The following RUNX2 variants were observed in gnomAD, a reference collection of about 807,000 sequenced individuals.
RUNX2 encodes the protein runt-related transcription factor 2.
Under a neutral mutation model 51.7 loss-of-function variants are expected in RUNX2, and 10 were observed. That is an observed-to-expected ratio of 0.19 (90% CI 0.12 to 0.33). RUNX2 has a LOEUF of 0.33. Among genes scored for constraint, RUNX2 ranks in the 10% least tolerant of loss-of-function variants. The pLI is 1.00. For missense variants in RUNX2, 562 were observed against 691.3 expected (o/e 0.81, Z 2.10); for synonymous variants, 276 against 273.6 (o/e 1.01, Z -0.09).
intron 2 of RUNX2, among the ~76,000 whole-genome samples, chr6:45,358,134 T>C (rs1793572924): frequency 2.0e-5 from 3 of 152,100 alleles, no homozygotes; most frequent in South Asian, 2.1e-4. Flanking sequence ...AAATCAAATA[T>C]AAAAACAGGT....
chr6:45,332,955 A>G (rs535847971), intron 2 of RUNX2, among the ~76,000 whole-genome samples: 55 of 151,812 alleles, frequency 3.6e-4, no homozygotes, highest in South Asian at 2.5e-3. Context: ...CTGAAGATAG[A>G]TAAAATTCTG....
At chr6:45,541,812 C>T (rs1802238921) in intron 7 of RUNX2, among the ~76,000 whole-genome samples, 1 of 152,182 alleles carries the variant, frequency 6.6e-6, no homozygotes, top group Non-Finnish European at 1.5e-5. Flanking sequence ...AGCTGACAGC[C>T]CCAATGGCAA....
At chr6:45,448,769 T>A (rs1441711427) in intron 5 of RUNX2, among the ~76,000 whole-genome samples, 5 of 152,148 alleles carry the variant, frequency 3.3e-5, no homozygotes, top group Non-Finnish European at 7.3e-5. Context: ...TGTATTTTGG[T>A]TGCGGGGGAT....
chr6:45,409,220 CCCTT>C (rs1186659618), intron 2 of RUNX2, among the ~76,000 whole-genome samples: 2 of 152,208 alleles, frequency 1.3e-5, no homozygotes, highest in Non-Finnish European at 2.9e-5. Context: ...CTTTTGAACT[CCCTT>C]CCAGGAACAG....
At chr6:45,415,350 G>A (rs536986114) in intron 2 of RUNX2, among the ~76,000 whole-genome samples, 1 of 152,260 alleles carries the variant, frequency 6.6e-6, no homozygotes, top group Non-Finnish European at 1.5e-5. Context: ...CAAAGTAAGA[G>A]TCCTCCCCTC....
chr6:45,413,538 C>G (rs1156857988), intron 2 of RUNX2, among the ~76,000 whole-genome samples: 1 of 137,686 alleles, frequency 7.3e-6, no homozygotes, highest in African/African-American at 2.8e-5. Flanking sequence ...TCAAGTGATT[C>G]TCCTGCCTCA....
chr6:45,547,606 T>G lies in RUNX2; in HGVS notation c.*301T>G, dbSNP rs2150454724. ...AGGTATTTTTGTTTTTGTTGTTTGG[T>G]CTGTTATCATCAATAACCTGTTCAT... On this transcript the variant is annotated 3_prime_UTR_variant, in exon 9 of 9. Transcript: ENST00000647337. 1 of 415,798 alleles carries G rather than the reference T, an allele frequency of 2.4e-6. No individual in the cohort carries two copies. Among genetic ancestry groups the G allele is most frequent in the Admixed American group, 3.7e-5 (1 of 27,064 alleles). The allele number at this position is 415,798 out of a possible 1,614,324, so 25.8% of individuals were successfully genotyped here.
chr6:45,477,411 A>C (rs748971926), intron 5 of RUNX2, among the ~76,000 whole-genome samples: 1 of 152,188 alleles, frequency 6.6e-6, no homozygotes. Context: ...CTGCACCTGA[A>C]TATGTCCCAT....
chr6:45,545,843 G>A (rs1484371849), intron 8 of RUNX2, among the ~76,000 whole-genome samples: 2 of 152,114 alleles, frequency 1.3e-5, no homozygotes, highest in African/African-American at 2.4e-5. Context: ...GGTTTATAAC[G>A]GTGGTTTCAT....
rs374096099 is a variant in RUNX2 at position 45,535,552 on chromosome 6, C to T, written c.1022-9665C>T. Among the ~76,000 whole-genome samples the T allele has an allele frequency of 1.4e-4, 21 of 151,132 alleles. No individual in the cohort carries two copies. In the East Asian group the frequency reaches 1.6e-3, roughly 11 times the overall value. On this transcript the variant is annotated intron_variant, in intron 7 of 8. Transcript: ENST00000647337. ...CCGGGAGGCAGAGCTTGCAGTGAGCCGAGATTGCGCCACTGCACTCTAGCC... is the reference window on the plus strand; with the variant it reads ...CCGGGAGGCAGAGCTTGCAGTGAGCTGAGATTGCGCCACTGCACTCTAGCC...
chr6:45,393,589 C>T (rs375579650), intron 2 of RUNX2, among the ~76,000 whole-genome samples: 43 of 152,090 alleles, frequency 2.8e-4, no homozygotes, highest in African/African-American at 5.3e-4. Context: ...GCCACCACCC[C>T]GGCTAATTTT....
intron 3 of RUNX2, among the ~76,000 whole-genome samples, chr6:45,430,875 A>G (rs1039796553): frequency 1.3e-5 from 2 of 152,128 alleles, no homozygotes; most frequent in Non-Finnish European, 2.9e-5. Flanking sequence ...GAGAGAAGGG[A>G]TTGTTACCAA....
intron 2 of RUNX2, among the ~76,000 whole-genome samples, chr6:45,356,930 T>C (rs192170847): frequency 2.0e-5 from 3 of 152,324 alleles, no homozygotes; most frequent in African/African-American, 4.8e-5. Context: ...CAAATCAATA[T>C]ATAATATAGG....
chr6:45,340,092 A>T (rs1789440533), intron 2 of RUNX2, among the ~76,000 whole-genome samples: 1 of 152,296 alleles, frequency 6.6e-6, no homozygotes, highest in South Asian at 2.1e-4. Flanking sequence ...GTTATACATG[A>T]TCTAAATGAA....
At chr6:45,407,223 C>T (rs927470915) in intron 2 of RUNX2, among the ~76,000 whole-genome samples, 2 of 152,108 alleles carry the variant, frequency 1.3e-5, no homozygotes, top group South Asian at 4.2e-4. Context: ...CCCACCTCAG[C>T]TTCCCAAGTA....
At chr6:45,329,290 C>T (rs556250409) in intron 2 of RUNX2, among the ~76,000 whole-genome samples, 12 of 152,012 alleles carry the variant, frequency 7.9e-5, no homozygotes, top group Middle Eastern at 3.4e-3. Flanking sequence ...ACATTTTAAC[C>T]AGCTCAACTA....
intron 2 of RUNX2, among the ~76,000 whole-genome samples, chr6:45,344,711 A>T (rs1790495954): frequency 6.6e-6 from 1 of 152,178 alleles, no homozygotes; most frequent in African/African-American, 2.4e-5. Context: ...TTGGCTAGGA[A>T]AGCCTAGAGA....
intron 2 of RUNX2, among the ~76,000 whole-genome samples, chr6:45,411,614 T>C (rs972572670): frequency 2.0e-5 from 3 of 152,194 alleles, no homozygotes. Context: ...CAGTGTAAAT[T>C]TTATCAGAGA....
chr6:45,353,204 A>C (rs184915726), intron 2 of RUNX2, among the ~76,000 whole-genome samples: 53 of 152,240 alleles, frequency 3.5e-4, no homozygotes, highest in African/African-American at 1.2e-3. Flanking sequence ...CTGAAATCTG[A>C]GTACACAGCA....
Sources: allele counts gnomAD v4.1 joint callset (sites outside exome capture counted in the v4.1 genomes callset), GRCh38; gene constraint gnomAD v4.1.1; transcripts MANE v1.5; gene names NCBI Gene and HGNC (gene_info 2026-07-23, HGNC 2026-07-21).